MAGI2: variants seen among roughly 807,000 people sequenced by gnomAD.
MAGI2 encodes membrane-associated guanylate kinase, WW and PDZ domain-containing protein 2.
In MAGI2, 35 loss-of-function variants were observed where a neutral mutation model predicts 133.3. That is an observed-to-expected ratio of 0.26 (90% CI 0.20 to 0.35). The LOEUF (loss-of-function observed/expected upper bound fraction) is 0.35. Among genes scored for constraint, MAGI2 ranks in the 10% least tolerant of loss-of-function variants. The pLI is 1.00. For synonymous variants in MAGI2, 729 were observed against 710.6 expected (o/e 1.03, Z -0.41); for missense variants, 1,636 against 1,863.4 (o/e 0.88, Z 2.25).
At chr7:78,480,612 C>CA (rs753458277) in intron 6 of MAGI2, among the ~76,000 whole-genome samples, 58 of 151,822 alleles carry the variant, frequency 3.8e-4, no homozygotes, top group Admixed American at 1.5e-3. Flanking sequence ...TCTACCATGT[C>CA]AACAGCTTAA....
intron 21 of MAGI2, among the ~76,000 whole-genome samples, chr7:78,023,390 C>A (rs1277523889): frequency 1.3e-5 from 2 of 152,232 alleles, no homozygotes; most frequent in Non-Finnish European, 2.9e-5. Flanking sequence ...CTCCTTCCTT[C>A]CTTGCCTCCC....
chr7:78,792,347 T>C (rs942643403), intron 2 of MAGI2, among the ~76,000 whole-genome samples: 5 of 152,234 alleles, frequency 3.3e-5, no homozygotes, highest in African/African-American at 1.2e-4. Context: ...AATTTTATTT[T>C]GTACCACTCA....
At chr7:78,691,260 C>G (rs1816925613) in intron 2 of MAGI2, among the ~76,000 whole-genome samples, 1 of 152,178 alleles carries the variant, frequency 6.6e-6, no homozygotes, top group South Asian at 2.1e-4. Context: ...ATTTATTTCA[C>G]TCTGTTATTG....
At chr7:78,856,328 T>A (rs1793629392) in intron 2 of MAGI2, among the ~76,000 whole-genome samples, 2 of 152,348 alleles carry the variant, frequency 1.3e-5, no homozygotes, top group East Asian at 3.9e-4. Context: ...TCCTTGCACA[T>A]GCCTATGTCC....
At chr7:78,479,659 T>G (rs1334175960) in intron 6 of MAGI2, among the ~76,000 whole-genome samples, 1 of 151,952 alleles carries the variant, frequency 6.6e-6, no homozygotes, top group Non-Finnish European at 1.5e-5. Flanking sequence ...GCTAAAATGA[T>G]AGATTTTATT....
At chr7:78,623,648 C>T (rs191509821) in intron 3 of MAGI2, among the ~76,000 whole-genome samples, 6 of 152,076 alleles carry the variant, frequency 3.9e-5, no homozygotes, top group South Asian at 2.1e-4. Flanking sequence ...ACATCTCAGC[C>T]GCAATTTAGG....
chr7:78,751,468 T>C (rs1823453826), intron 2 of MAGI2, among the ~76,000 whole-genome samples: 1 of 152,194 alleles, frequency 6.6e-6, no homozygotes, highest in Non-Finnish European at 1.5e-5. Context: ...ATGACCTAAT[T>C]GGCCCTCTCA....
chr7:78,563,170 A>C (rs1180197330), intron 3 of MAGI2, among the ~76,000 whole-genome samples: 1 of 152,150 alleles, frequency 6.6e-6, no homozygotes. Context: ...TTAAAGTCCT[A>C]ATGTCCTGCT....
intron 4 of MAGI2, among the ~76,000 whole-genome samples, chr7:78,509,879 T>C (rs1174288552): frequency 6.6e-6 from 1 of 152,196 alleles, no homozygotes; most frequent in Non-Finnish European, 1.5e-5. Flanking sequence ...GGGAAAATAA[T>C]TGATTTGTTT....
chr7:78,802,199 T>C (rs1005720219), intron 2 of MAGI2, among the ~76,000 whole-genome samples: 10 of 152,196 alleles, frequency 6.6e-5, no homozygotes, highest in African/African-American at 1.9e-4. Flanking sequence ...CAGTCTAACT[T>C]AAATTCCTTA....
chr7:78,100,491 C>T (rs1818115222), intron 20 of MAGI2, among the ~76,000 whole-genome samples: 1 of 152,124 alleles, frequency 6.6e-6, no homozygotes, highest in Admixed American at 6.5e-5. Flanking sequence ...GCTGGGACCA[C>T]AGGCACATGC....
At chr7:78,510,592 C>T (rs932046282) in intron 4 of MAGI2, among the ~76,000 whole-genome samples, 12 of 152,120 alleles carry the variant, frequency 7.9e-5, no homozygotes, top group African/African-American at 1.7e-4. Context: ...AAAGGATATA[C>T]ATAAAGGTGG....
At chr7:79,086,084 T>C (rs1419405650) in intron 1 of MAGI2, among the ~76,000 whole-genome samples, 1 of 151,904 alleles carries the variant, frequency 6.6e-6, no homozygotes, top group Non-Finnish European at 1.5e-5. Context: ...CCAAAGTTTT[T>C]CCTTTTAGAT....
intron 2 of MAGI2, among the ~76,000 whole-genome samples, chr7:78,910,665 C>A (rs111711984): frequency 6.6e-6 from 1 of 152,118 alleles, no homozygotes; most frequent in Non-Finnish European, 1.5e-5. Context: ...AACTTCCTAA[C>A]GTGGGAAAAC....
intron 3 of MAGI2, among the ~76,000 whole-genome samples, chr7:78,579,755 T>C (rs190176669): frequency 1.1e-4 from 17 of 152,318 alleles, no homozygotes; most frequent in Admixed American, 5.9e-4. Flanking sequence ...CCCATGTATA[T>C]ATAAAATATT....
intron 21 of MAGI2, among the ~76,000 whole-genome samples, chr7:78,061,489 C>T (rs1455997921): frequency 6.6e-6 from 1 of 151,298 alleles, no homozygotes; most frequent in South Asian, 2.1e-4. Flanking sequence ...TAGTTTTGAG[C>T]CAACCAGGAG....
At chr7:78,178,784 T>C (rs1160867726) in intron 13 of MAGI2, among the ~76,000 whole-genome samples, 1 of 152,158 alleles carries the variant, frequency 6.6e-6, no homozygotes, top group Non-Finnish European at 1.5e-5. Flanking sequence ...GGTGGACTTT[T>C]ATCACCGAAA....
chr7:78,077,421 TA>T (rs1388602565), intron 21 of MAGI2, among the ~76,000 whole-genome samples: 23 of 149,810 alleles, frequency 1.5e-4, no homozygotes, highest in Non-Finnish European at 2.5e-4. Context: ...TATATATATT[TA>T]AAAATATTTT....
At chr7:78,535,787 C>G (rs1018100287) in intron 3 of MAGI2, among the ~76,000 whole-genome samples, 1 of 152,022 alleles carries the variant, frequency 6.6e-6, no homozygotes, top group African/African-American at 2.4e-5. Context: ...GAGATCAGTG[C>G]TTGAGATATT....
Sources: allele counts gnomAD v4.1 joint callset (sites outside exome capture counted in the v4.1 genomes callset), GRCh38; gene constraint gnomAD v4.1.1; transcripts MANE v1.5; gene names NCBI Gene and HGNC (gene_info 2026-07-23, HGNC 2026-07-21).